The following KLF12 variants were observed in gnomAD, a reference collection of about 807,000 sequenced individuals.
KLF12 encodes Krueppel-like factor 12.
In KLF12, 9 loss-of-function variants were observed where a neutral mutation model predicts 37.8. The ratio of observed to expected loss-of-function variants is 0.24; its 90% CI spans 0.14 to 0.42. The LOEUF is 0.42. KLF12 is among the 10% of genes least tolerant of loss of function. The pLI, the probability that KLF12 is intolerant of heterozygous loss-of-function variation, is 1.00. For synonymous variants in KLF12, 208 were observed against 202.1 expected (o/e 1.03, Z -0.25); for missense variants, 411 against 516.0 (o/e 0.80, Z 1.97).
At chr13:73,817,465 C>G (rs943449486) in intron 4 of KLF12, among the ~76,000 whole-genome samples, 5 of 151,974 alleles carry the variant, frequency 3.3e-5, no homozygotes, top group Admixed American at 2.0e-4. Context: ...CCAGCTCCTT[C>G]TAGAGATTTC....
chr13:74,242,293 T>G, the KLF12 span, among the ~76,000 whole-genome samples: 1 of 152,208 alleles, frequency 6.6e-6, no homozygotes, highest in Non-Finnish European at 1.5e-5. Context: ...ACCTATTAAT[T>G]CATAAAGAAA....
chr13:73,745,245 C>T (rs567539493), intron 6 of KLF12, among the ~76,000 whole-genome samples: 2 of 152,292 alleles, frequency 1.3e-5, no homozygotes, highest in South Asian at 2.1e-4. Flanking sequence ...AATGCACATA[C>T]ATTTAAAGCA....
chr13:73,880,485 CTT>C (rs1447419409), intron 3 of KLF12, among the ~76,000 whole-genome samples: 1 of 152,146 alleles, frequency 6.6e-6, no homozygotes, highest in East Asian at 1.9e-4. Context: ...TATGTAGAGT[CTT>C]GGGTCCTGAT....
At chr13:73,759,646 C>T (rs774700687) in intron 6 of KLF12, among the ~76,000 whole-genome samples, 4 of 152,138 alleles carry the variant, frequency 2.6e-5, no homozygotes, top group Non-Finnish European at 5.9e-5. Flanking sequence ...CTACTGGATA[C>T]GCATGCAGAG....
the KLF12 span, among the ~76,000 whole-genome samples, chr13:74,252,224 G>C: frequency 1.2e-4 from 19 of 152,218 alleles, no homozygotes; most frequent in Admixed American, 1.1e-3. Flanking sequence ...GGTTCTGGTT[G>C]CTGCGCTTCA....
In KLF12 at chr13:73,692,585, A is replaced by G. The variant is rs1264600969; in HGVS notation, c.*2905T>C. 1 of 152,668 alleles carries G rather than the reference A, an allele frequency of 6.6e-6. No individual in the cohort carries two copies. Among genetic ancestry groups the G allele is most frequent in the Non-Finnish European group, 1.5e-5 (1 of 68,038 alleles). 9.5% of individuals were successfully genotyped at this position (152,668 alleles called of 1,614,324 possible). A position where few individuals can be genotyped will look rare whatever the true frequency, so the allele number is the denominator to read the frequency against. ...ACTGTGCTTTTTGAAAGAGGCTAGAAATGGACATGAGATGAAATGGAGGCT... is the reference window on the plus strand; with the variant it reads ...ACTGTGCTTTTTGAAAGAGGCTAGAGATGGACATGAGATGAAATGGAGGCT... On this transcript the variant is annotated 3_prime_UTR_variant, in exon 8 of 8. Transcript: ENST00000377669.
intron 5 of KLF12, among the ~76,000 whole-genome samples, chr13:73,782,763 C>T (rs1448298113): frequency 6.6e-6 from 1 of 152,174 alleles, no homozygotes; most frequent in Admixed American, 6.5e-5. Flanking sequence ...TGAGTCTGTG[C>T]ATTTCAAAAT....
chr13:74,037,873 T>C (rs894896588), intron 1 of KLF12, among the ~76,000 whole-genome samples: 6 of 152,210 alleles, frequency 3.9e-5, no homozygotes, highest in Non-Finnish European at 5.9e-5. Context: ...CTTCATGCCA[T>C]AGTTAATGCA....
At chr13:73,845,513 C>T (rs1485945535) in intron 4 of KLF12, among the ~76,000 whole-genome samples, 1 of 152,132 alleles carries the variant, frequency 6.6e-6, no homozygotes. Context: ...CATAGATTGC[C>T]CTTTCCAACT....
chr13:74,295,617 C>A, the KLF12 span, among the ~76,000 whole-genome samples: 1 of 152,082 alleles, frequency 6.6e-6, no homozygotes, highest in Non-Finnish European at 1.5e-5. Context: ...AACGGACTTT[C>A]CCTTATTTTT....
intron 1 of KLF12, among the ~76,000 whole-genome samples, chr13:74,071,096 A>T (rs1874209570): frequency 6.6e-6 from 1 of 152,242 alleles, no homozygotes; most frequent in African/African-American, 2.4e-5. Flanking sequence ...AATGCATGTT[A>T]AAGATGACAA....
At chr13:74,015,212 T>C (rs1200961547) in intron 1 of KLF12, among the ~76,000 whole-genome samples, 1 of 152,242 alleles carries the variant, frequency 6.6e-6, no homozygotes, top group Non-Finnish European at 1.5e-5. Context: ...GTCTAATTTA[T>C]TGCTATTGTA....
At chr13:73,923,756 T>C (rs578228559) in intron 3 of KLF12, among the ~76,000 whole-genome samples, 77 of 152,318 alleles carry the variant, frequency 5.1e-4, no homozygotes, top group Admixed American at 1.6e-3. Flanking sequence ...GTGTTTTTCT[T>C]CTTCCCACAG....
chr13:73,918,045 C>T (rs2139197604), intron 3 of KLF12, among the ~76,000 whole-genome samples: 1 of 151,962 alleles, frequency 6.6e-6, no homozygotes, highest in Middle Eastern at 3.4e-3. Flanking sequence ...TACACACGTA[C>T]ACATATATAC....
rs146827237 is a variant in KLF12, at chr13:74,015,997, T to C, written c.-31-20944A>G. Among the ~76,000 whole-genome samples the C allele has an allele frequency of 2.4e-3, 362 of 152,260 alleles. 6 individuals carry two copies. The East Asian group carries it at 0.025, about 11-fold the overall frequency. On this transcript the variant is annotated intron_variant, in intron 1 of 7. Transcript: ENST00000377669. ...GACATAACAGATGTTTACTAAACAT[T>C]GGTTTTTAAAAAAAGAGCAAATAAG...
chr13:74,060,933 A>G (rs1428625100), intron 1 of KLF12, among the ~76,000 whole-genome samples: 1 of 152,192 alleles, frequency 6.6e-6, no homozygotes, highest in Non-Finnish European at 1.5e-5. Context: ...CTACCAGAAG[A>G]GAAATTATTT....
At chr13:73,697,846 G>A (rs1339150579) in intron 7 of KLF12, among the ~76,000 whole-genome samples, 3 of 152,132 alleles carry the variant, frequency 2.0e-5, no homozygotes, top group African/African-American at 7.2e-5. Context: ...CTTGGTGAGG[G>A]AGTAAACATG....
intron 1 of KLF12, among the ~76,000 whole-genome samples, chr13:74,031,629 G>A (rs1284957248): frequency 1.3e-5 from 2 of 151,906 alleles, no homozygotes; most frequent in Non-Finnish European, 2.9e-5. Flanking sequence ...TTAACATACC[G>A]CCTTCTTCCA....
chr13:74,108,048 T>C (rs1413412209), intron 1 of KLF12, among the ~76,000 whole-genome samples: 2 of 152,206 alleles, frequency 1.3e-5, no homozygotes, highest in African/African-American at 4.8e-5. Context: ...TCACATTATT[T>C]TTACTACTTT....
Sources: gnomAD v4.1 joint callset for allele counts (sites outside exome capture counted in the v4.1 genomes callset) on GRCh38, gnomAD v4.1.1 for gene constraint, MANE v1.5 for transcripts, NCBI Gene and HGNC (gene_info 2026-07-23, HGNC 2026-07-21) for gene names.